Variants in VWA8 observed in about 807,000 individuals in gnomAD.
The protein encoded by VWA8 is von Willebrand factor A domain containing 8.
A neutral mutation model predicts 241.5 loss-of-function variants in VWA8; 221 were observed. The ratio of observed to expected loss-of-function variants is 0.91; its 90% CI spans 0.82 to 1.02. The LOEUF is 1.02. VWA8 is among the 50% of genes least tolerant of loss of function. The probability of loss-of-function intolerance (pLI) is 0.00; values close to 1 mark genes in which losing one functional copy is unlikely to be tolerated. For synonymous variants in VWA8, 852 were observed against 827.1 expected (o/e 1.03, Z -0.52); for missense variants, 2,322 against 2,328.7 (o/e 1.00, Z 0.06).
chr13:41,945,257 A>G (rs944008010), intron 2 of VWA8, among the ~76,000 whole-genome samples: 1 of 152,152 alleles, frequency 6.6e-6, no homozygotes, highest in Non-Finnish European at 1.5e-5. Flanking sequence ...ACAGACTTTA[A>G]AGAAATAGAC....
At chr13:41,691,251 A>G in intron 32 of VWA8, 69 bp downstream of exon 32, 2 of 1,533,060 alleles carry the variant, frequency 1.3e-6, no homozygotes, top group Non-Finnish European at 1.8e-6. Context: ...AACAGTAAAG[A>G]TGTTGGATAA....
intron 37 of VWA8, among the ~76,000 whole-genome samples, chr13:41,642,225 A>T (rs114638833): frequency 2.2e-3 from 332 of 152,324 alleles, no homozygotes; most frequent in African/African-American, 7.6e-3. Flanking sequence ...AGAAGCATAC[A>T]TGCTTGCCTA....
chr13:41,887,149 T>C lies in VWA8; in HGVS notation c.816+48A>G, dbSNP rs746648225. The C allele has an allele frequency of 3.8e-6, 6 of 1,578,518 alleles. No homozygotes were observed. The East Asian group carries it at 1.1e-4, about 30-fold the overall frequency. On this transcript the variant is annotated intron_variant, in intron 6 of 44. Transcript: ENST00000379310. ...TTTTATAGCATTGAAGTTCTTGTTA[T>C]AAATAGAAAAACTGTTTAACAAATA...
intron 38 of VWA8, among the ~76,000 whole-genome samples, chr13:41,614,285 C>T (rs2044607592): frequency 6.6e-6 from 1 of 152,200 alleles, no homozygotes; most frequent in African/African-American, 2.4e-5. Flanking sequence ...CTCCTGCCAG[C>T]ACTCCTCATG....
chr13:41,926,353 T>C, intron 2 of VWA8: 1 of 574,080 alleles, frequency 1.7e-6, no homozygotes, highest in South Asian at 1.5e-5. Context: ...ATCACATGTA[T>C]AAGAAGTTTC....
intron 41 of VWA8, among the ~76,000 whole-genome samples, chr13:41,588,056 T>C (rs888357446): frequency 6.6e-6 from 1 of 152,220 alleles, no homozygotes; most frequent in Non-Finnish European, 1.5e-5. Context: ...AGCAAGAGTT[T>C]GTGTTATTTT....
At chr13:41,910,213 T>A (rs1420873757) in intron 3 of VWA8, among the ~76,000 whole-genome samples, 1 of 152,172 alleles carries the variant, frequency 6.6e-6, no homozygotes, top group Admixed American at 6.5e-5. Flanking sequence ...ACATTCTCAA[T>A]AAGCTTCAAA....
Position 41,595,199 on chromosome 13 carries a change from T to C in VWA8, c.4987-4434A>G, listed in dbSNP as rs2044480081. Among the ~76,000 whole-genome samples, 2 of 152,124 alleles carry C rather than the reference T, an allele frequency of 1.3e-5. 1 individual carries two copies. Among genetic ancestry groups the C allele is most frequent in the Admixed American group, 1.3e-4 (2 of 15,250 alleles). The stretch of plus-strand genomic sequence containing the variant: ...CATGCAAGAATCCAGGGATTTTAGG[T>C]CTTAATTTTCTTGTGCTGATATTGC... On this transcript the variant is annotated intron_variant, in intron 40 of 44. Transcript: ENST00000379310.
At position 41,581,193 on chromosome 13, in the gene VWA8, G is replaced by A. The variant is rs970670230; in HGVS notation, c.5272-5355C>T. Among the ~76,000 whole-genome samples, 35 of 103,632 alleles carry A rather than the reference G, an allele frequency of 3.4e-4. 7 individuals carry two copies. The highest frequency in any genetic ancestry group is 1.2e-4 in the Non-Finnish European group (7 of 56,884). 68.0% of individuals were successfully genotyped at this position (103,632 alleles called of 152,430 possible). A position where few individuals can be genotyped will look rare whatever the true frequency, so the allele number is the denominator to read the frequency against. On this transcript the variant is annotated intron_variant, in intron 42 of 44. Coordinates refer to ENST00000379310, the MANE Select transcript of VWA8 (RefSeq NM_015058.2). ...TTTTTTGTATTTTTTTAGTAGAGAC[G>A]GGGTTTCACCGTGTTACCCAGGATG...
chr13:41,791,135 T>G (rs75849429), intron 17 of VWA8, among the ~76,000 whole-genome samples: 2,111 of 151,848 alleles, frequency 0.014, 14 homozygotes, highest in East Asian at 0.019. Flanking sequence ...AAAAAAACAA[T>G]AAAATACTTT....
At chr13:41,651,606 G>A (rs1295356507) in intron 37 of VWA8, among the ~76,000 whole-genome samples, 2 of 152,164 alleles carry the variant, frequency 1.3e-5, no homozygotes, top group African/African-American at 4.8e-5. Context: ...GAGTGTAGCT[G>A]TGTTTCAATA....
chr13:41,815,395 TTAAGA>T (rs1170142591), intron 16 of VWA8, among the ~76,000 whole-genome samples: 3 of 152,206 alleles, frequency 2.0e-5, no homozygotes, highest in Non-Finnish European at 4.4e-5. Context: ...GCAAATAAGA[TTAAGA>T]TAAGGATTTT....
intron 42 of VWA8, among the ~76,000 whole-genome samples, chr13:41,584,333 T>C (rs2044402883): frequency 6.6e-6 from 1 of 152,200 alleles, no homozygotes; most frequent in Non-Finnish European, 1.5e-5. Flanking sequence ...GGCCTGGGCT[T>C]TCTGTCTGTG....
At chr13:41,729,054 G>T (rs895854913) in intron 23 of VWA8, among the ~76,000 whole-genome samples, 1 of 151,938 alleles carries the variant, frequency 6.6e-6, no homozygotes, top group South Asian at 2.1e-4. Context: ...ACAACAAAAA[G>T]GGTGTGTGTG....
chr13:41,825,154 T>C (rs1384573909), intron 14 of VWA8, among the ~76,000 whole-genome samples: 2 of 152,238 alleles, frequency 1.3e-5, no homozygotes, highest in East Asian at 3.8e-4. Flanking sequence ...TCTGTCTTCA[T>C]GTGTGGTACA....
At chr13:41,569,761 T>C (rs1236644266) in intron 44 of VWA8, among the ~76,000 whole-genome samples, 1 of 152,282 alleles carries the variant, frequency 6.6e-6, no homozygotes, top group Admixed American at 6.5e-5. Flanking sequence ...ATAAATGTTA[T>C]TGTGTTCAAG....
chr13:41,907,661 C>G lies in VWA8; in HGVS notation c.408G>C (p.Leu136=), dbSNP rs767324531. ...LTKREVEYIA[L]SRDTTETDLK... is the part of the protein sequence containing the mutation. ...GATCAGTTTCAGTGGTGTCCCTTGACAGGGCAATGTATTCGACCTCCCGTT... is the reference window on the plus strand; with the variant it reads ...GATCAGTTTCAGTGGTGTCCCTTGAGAGGGCAATGTATTCGACCTCCCGTT... Residue 136 remains leucine, a synonymous_variant, in exon 4 of 45, where the codon CTG becomes CTC. Transcript: ENST00000379310. 3 of 1,614,136 alleles carry G rather than the reference C, an allele frequency of 1.9e-6. No individual in the cohort carries two copies. Among genetic ancestry groups the G allele is most frequent in the Middle Eastern group, 1.7e-4 (1 of 6,060 alleles).
chr13:41,624,150 T>G (rs1363270921), intron 37 of VWA8, among the ~76,000 whole-genome samples: 1 of 152,100 alleles, frequency 6.6e-6, no homozygotes, highest in Non-Finnish European at 1.5e-5. Context: ...AACAGACCAA[T>G]AACATGTTCA....
At chr13:41,634,210 T>C (rs747746637) in intron 37 of VWA8, among the ~76,000 whole-genome samples, 1 of 152,014 alleles carries the variant, frequency 6.6e-6, no homozygotes, top group Non-Finnish European at 1.5e-5. Context: ...CTAGGGTGAG[T>C]AGGGTGGCAC....
Sources: allele counts gnomAD v4.1 joint callset (sites outside exome capture counted in the v4.1 genomes callset), GRCh38; gene constraint gnomAD v4.1.1; transcripts MANE v1.5; gene names NCBI Gene and HGNC (gene_info 2026-07-23, HGNC 2026-07-21).